DLC1: variants seen among roughly 807,000 people sequenced by gnomAD.
The protein encoded by DLC1 is DLC1 Rho GTPase activating protein, also known as rho GTPase-activating protein 7.
In DLC1, 54 loss-of-function variants were observed where a neutral mutation model predicts 140.3. That is an observed-to-expected ratio of 0.38 (90% CI 0.31 to 0.48). DLC1 has a LOEUF of 0.48. DLC1 is among the 20% of genes least tolerant of loss of function. The pLI, the probability that DLC1 is intolerant of heterozygous loss-of-function variation, is 0.96. For synonymous variants in DLC1, 986 were observed against 728.1 expected (o/e 1.35, Z -5.70); for missense variants, 2,536 against 1,907.0 (o/e 1.33, Z -6.14).
At chr8:13,434,893 T>C (rs1300067322) in intron 2 of DLC1, among the ~76,000 whole-genome samples, 1 of 152,154 alleles carries the variant, frequency 6.6e-6, no homozygotes, top group Non-Finnish European at 1.5e-5. Context: ...TTGCTTAGGT[T>C]GGTCTTGAAC....
intron 2 of DLC1, among the ~76,000 whole-genome samples, chr8:13,475,279 T>A (rs1800387899): frequency 6.6e-6 from 1 of 152,228 alleles, no homozygotes; most frequent in Non-Finnish European, 1.5e-5. Context: ...TTCCCTACGA[T>A]ATAGCACAGA....
chr8:13,322,574 C>T (rs1170617135), intron 4 of DLC1, among the ~76,000 whole-genome samples: 1 of 152,126 alleles, frequency 6.6e-6, no homozygotes. Context: ...GAAGGTTAAA[C>T]ACTTTAGATC....
chr8:13,426,841 C>T (rs1438751946), intron 2 of DLC1, among the ~76,000 whole-genome samples: 9 of 152,166 alleles, frequency 5.9e-5, no homozygotes. Context: ...CCTAGGAGAT[C>T]CTCCAGTTTT....
At chr8:13,126,065 C>G (rs914800741) in intron 5 of DLC1, among the ~76,000 whole-genome samples, 4 of 151,986 alleles carry the variant, frequency 2.6e-5, no homozygotes, top group Non-Finnish European at 5.9e-5. Context: ...GCAAGCAGCT[C>G]ACATCAAAAT....
At chr8:13,361,057 C>A (rs1346607256) in intron 4 of DLC1, among the ~76,000 whole-genome samples, 1 of 151,936 alleles carries the variant, frequency 6.6e-6, no homozygotes, top group Non-Finnish European at 1.5e-5. Context: ...ATGGCGAAAC[C>A]CTGTCTCTAC....
intron 1 of DLC1, among the ~76,000 whole-genome samples, chr8:13,533,719 C>T (rs1280565478): frequency 6.6e-6 from 1 of 152,054 alleles, no homozygotes; most frequent in African/African-American, 2.4e-5. Flanking sequence ...GTGTCCCCAC[C>T]CAAATCTCAT....
chr8:13,453,325 G>C (rs1799155840), intron 2 of DLC1, among the ~76,000 whole-genome samples: 1 of 137,710 alleles, frequency 7.3e-6, no homozygotes, highest in Non-Finnish European at 1.5e-5. Flanking sequence ...AGGTGTTTTT[G>C]GTAATAATTA....
At chr8:13,512,558 A>G (rs577296362) in intron 1 of DLC1, among the ~76,000 whole-genome samples, 1 of 152,154 alleles carries the variant, frequency 6.6e-6, no homozygotes, top group Admixed American at 6.6e-5. Context: ...CATATTTTTT[A>G]TATGTCAACT....
intron 1 of DLC1, chr8:13,567,784 C>G (rs1206851647): frequency 5.2e-6 from 8 of 1,551,858 alleles, no homozygotes; most frequent in Admixed American, 2.0e-5. Context: ...CTGGAAAAGA[C>G]TGACTGAGAA....
At chr8:13,419,027 G>A (rs1465711709) in intron 2 of DLC1, among the ~76,000 whole-genome samples, 1 of 150,644 alleles carries the variant, frequency 6.6e-6, no homozygotes, top group East Asian at 1.9e-4. Context: ...TCTGTTATTG[G>A]TGTATAAGAA....
At chr8:13,491,052 CTGAG>C (rs1563393091) in intron 2 of DLC1, among the ~76,000 whole-genome samples, 2 of 146,796 alleles carry the variant, frequency 1.4e-5, no homozygotes, top group African/African-American at 2.5e-5. Context: ...AATATATATT[CTGAG>C]TGAGGGCAAT....
intron 11 of DLC1, 41 bp downstream of exon 11, chr8:13,095,045 G>C: frequency 6.2e-7 from 1 of 1,613,428 alleles, no homozygotes; most frequent in Middle Eastern, 1.7e-4. Flanking sequence ...CATGTAATCC[G>C]AGCTCCCCTG....
intron 15 of DLC1, among the ~76,000 whole-genome samples, chr8:13,089,181 C>A (rs560628339): frequency 6.6e-6 from 1 of 150,460 alleles, no homozygotes; most frequent in South Asian, 2.1e-4. Flanking sequence ...ATCACTTGAA[C>A]CTAGGAGGCA....
intron 2 of DLC1, among the ~76,000 whole-genome samples, chr8:13,404,891 A>G (rs541633316): frequency 3.3e-5 from 5 of 152,224 alleles, no homozygotes; most frequent in African/African-American, 1.2e-4. Context: ...CTGTAATCCT[A>G]GCTACTTGGG....
At chr8:13,491,875 C>A (rs1268401403) in intron 2 of DLC1, among the ~76,000 whole-genome samples, 2 of 152,170 alleles carry the variant, frequency 1.3e-5, no homozygotes, top group African/African-American at 2.4e-5. Context: ...AAATAAATAT[C>A]TTACCACAAC....
chr8:13,089,423 G>C, intron 15 of DLC1, among the ~76,000 whole-genome samples: 1 of 148,150 alleles, frequency 6.7e-6, no homozygotes, highest in East Asian at 2.0e-4. Context: ...TCAGGAGTTC[G>C]AGACCAGCCT....
At chr8:13,561,253 A>G (rs74953867) in intron 1 of DLC1, among the ~76,000 whole-genome samples, 2,961 of 151,910 alleles carry the variant, frequency 0.019, 91 homozygotes, top group African/African-American at 0.068. Flanking sequence ...CTCAGTAGCT[A>G]GGACTAGAGG....
intron 2 of DLC1, among the ~76,000 whole-genome samples, chr8:13,475,210 A>G (rs2046194): frequency 0.47 from 71,987 of 151,992 alleles, 17,896 homozygotes; most frequent in East Asian, 0.57. Flanking sequence ...TTTTTCTGTC[A>G]TGCCTCAAAC....
At chr8:13,410,982 A>G (rs1837757036) in intron 2 of DLC1, among the ~76,000 whole-genome samples, 1 of 152,244 alleles carries the variant, frequency 6.6e-6, no homozygotes. Context: ...GTTTTTAAAA[A>G]ATGAACCCAC....
Sources: gnomAD v4.1 joint callset for allele counts (sites outside exome capture counted in the v4.1 genomes callset) on GRCh38, gnomAD v4.1.1 for gene constraint, MANE v1.5 for transcripts, NCBI Gene and HGNC (gene_info 2026-07-23, HGNC 2026-07-21) for gene names.